Variants in CDKL1 observed in about 807,000 individuals in gnomAD.
The protein encoded by CDKL1 is cyclin dependent kinase like 1.
In CDKL1, 41 loss-of-function variants were observed where a neutral mutation model predicts 42.0. The ratio of observed to expected loss-of-function variants is 0.98; its 90% CI spans 0.76 to 1.27. The LOEUF is 1.27. Among genes scored for constraint, CDKL1 ranks in the 50% most tolerant of loss-of-function variants. The pLI is 0.00. For synonymous variants in CDKL1, 153 were observed against 158.6 expected (o/e 0.96, Z 0.26); for missense variants, 394 against 428.4 (o/e 0.92, Z 0.71).
At chr14:50,396,638 G>A (rs1440385054) in intron 1 of CDKL1, 186 bp downstream of exon 1, 2 of 208,784 alleles carry the variant, frequency 9.6e-6, no homozygotes, top group Non-Finnish European at 1.7e-5. Context: ...ACACCTCCCG[G>A]CTCCCCGCGG....
chr14:50,385,732 G>A (rs1465796766), intron 2 of CDKL1, among the ~76,000 whole-genome samples: 1 of 150,968 alleles, frequency 6.6e-6, no homozygotes, highest in African/African-American at 2.4e-5. Context: ...TGAGCCCAAG[G>A]GGTGGAGGTT....
At chr14:50,356,391 C>T (rs570877353) in intron 3 of CDKL1, among the ~76,000 whole-genome samples, 1 of 152,222 alleles carries the variant, frequency 6.6e-6, no homozygotes, top group African/African-American at 2.4e-5. Flanking sequence ...AATGTGCTTA[C>T]AAAATTTTAT....
At chr14:50,396,897 G>A (rs2035428116), upstream of CDKL1, 2 of 241,968 alleles carry the variant, frequency 8.3e-6, no homozygotes, top group Non-Finnish European at 1.5e-5. Flanking sequence ...GGCGTGGCTC[G>A]GCCCGCGATC....
intron 2 of CDKL1, among the ~76,000 whole-genome samples, chr14:50,375,384 T>A (rs1216502937): frequency 2.0e-5 from 3 of 152,268 alleles, no homozygotes; most frequent in Non-Finnish European, 4.4e-5. Flanking sequence ...TTTATGTTGA[T>A]ACTCCACCTT....
intron 3 of CDKL1, among the ~76,000 whole-genome samples, chr14:50,345,621 T>C (rs1411151920): frequency 1.3e-5 from 2 of 152,200 alleles, no homozygotes; most frequent in East Asian, 1.9e-4. Context: ...ATTCTATTTG[T>C]TTTTTAGCAT....
At chr14:50,380,345 T>G (rs2034869095) in intron 2 of CDKL1, 1 of 418,260 alleles carries the variant, frequency 2.4e-6, no homozygotes, top group East Asian at 7.0e-5. Context: ...TCCTATAAAC[T>G]CAACCCAACT....
chr14:50,330,009 T>TAG lies in CDKL1; in HGVS notation c.*64_*65insCT. 6.4e-7 allele frequency: 1 copy of TAG among 1,555,574 alleles called. No homozygotes were observed. Among genetic ancestry groups the TAG allele is most frequent in the Non-Finnish European group, 8.7e-7 (1 of 1,151,744 alleles). On this transcript the variant is annotated 3_prime_UTR_variant, in exon 10 of 10. Coordinates refer to ENST00000395834, the MANE Select transcript of CDKL1 (RefSeq NM_004196.7). ...CATTGTAATTGTTTTCAATCAACTG[T>TAG]ATAAGTTTTATTTTCTTCAAAGCAT...
At chr14:50,337,131 C>G (rs1194198626) in intron 7 of CDKL1, among the ~76,000 whole-genome samples, 3 of 152,118 alleles carry the variant, frequency 2.0e-5, no homozygotes, top group African/African-American at 7.2e-5. Context: ...ACCTCAGCCT[C>G]CCAAGTAGCT....
At chr14:50,368,766 C>A (rs2034501722) in intron 2 of CDKL1, among the ~76,000 whole-genome samples, 1 of 152,038 alleles carries the variant, frequency 6.6e-6, no homozygotes, top group Non-Finnish European at 1.5e-5. Flanking sequence ...TCATTGGGCA[C>A]CCATCTGTTC....
At chr14:50,371,764 A>G in intron 2 of CDKL1, among the ~76,000 whole-genome samples, 1 of 152,248 alleles carries the variant, frequency 6.6e-6, no homozygotes, top group East Asian at 1.9e-4. Flanking sequence ...TCATGGCTGC[A>G]GACCCGGGCA....
intron 2 of CDKL1, among the ~76,000 whole-genome samples, chr14:50,385,619 G>T (rs1230721352): frequency 6.6e-6 from 1 of 151,708 alleles, no homozygotes; most frequent in African/African-American, 2.4e-5. Context: ...GCCCGGCCAA[G>T]ATGGTGAAAC....
chr14:50,348,254 A>G (rs1186541189), intron 3 of CDKL1, among the ~76,000 whole-genome samples: 2 of 152,250 alleles, frequency 1.3e-5, no homozygotes, highest in Non-Finnish European at 2.9e-5. Flanking sequence ...CAAAGTCTCT[A>G]TGGAACTAGG....
At chr14:50,332,857 G>T in intron 8 of CDKL1, 1 of 467,454 alleles carries the variant, frequency 2.1e-6, no homozygotes, top group Non-Finnish European at 3.7e-6. Context: ...ATACAGCAAA[G>T]TCTCCACCAC....
In CDKL1 at chr14:50,353,092, A is replaced by G. The variant is rs8017076; in HGVS notation, c.290+5936T>C. 7.1e-3 allele frequency among the ~76,000 whole-genome samples: 1,075 copies of G among 152,328 alleles called. 12 individuals are homozygous for G. The highest frequency in any genetic ancestry group is 0.025 in the African/African-American group (1,023 of 41,564). On this transcript the variant is annotated intron_variant, in intron 3 of 9. Transcript: ENST00000395834. ...GTCAAATCTAACAAGCCTAGAAGCCATTCTGTCTAAGGTTGCTTTACATAC... is the reference window on the plus strand; with the variant it reads ...GTCAAATCTAACAAGCCTAGAAGCCGTTCTGTCTAAGGTTGCTTTACATAC...
chr14:50,354,118 C>A (rs2033985614), intron 3 of CDKL1, among the ~76,000 whole-genome samples: 1 of 151,844 alleles, frequency 6.6e-6, no homozygotes, highest in African/African-American at 2.4e-5. Context: ...CAATGCCCGG[C>A]TAATTTTTGT....
intron 2 of CDKL1, among the ~76,000 whole-genome samples, chr14:50,376,969 A>G (rs1228082420): frequency 6.6e-6 from 1 of 152,192 alleles, no homozygotes; most frequent in African/African-American, 2.4e-5. Flanking sequence ...GAAGAAGGTA[A>G]AGGTCTTAAG....
At chr14:50,382,450 C>CA (rs201262283) in intron 2 of CDKL1, among the ~76,000 whole-genome samples, 4 of 150,838 alleles carry the variant, frequency 2.7e-5, no homozygotes, top group Non-Finnish European at 4.4e-5. Flanking sequence ...GACTCCATCT[C>CA]AAAAAAAAAT....
intron 7 of CDKL1, chr14:50,335,355 CA>C (rs2033205904): frequency 1.6e-6 from 1 of 633,186 alleles, no homozygotes; most frequent in Non-Finnish European, 2.6e-6. Context: ...AAGGGAGCTG[CA>C]AAATAGATGT....
intron 2 of CDKL1, among the ~76,000 whole-genome samples, chr14:50,388,004 C>T (rs909194262): frequency 1.3e-5 from 2 of 152,150 alleles, no homozygotes; most frequent in Non-Finnish European, 2.9e-5. Context: ...TCAAGCGATT[C>T]TCCTGCCTCA....
Sources: gnomAD v4.1 joint callset for allele counts (sites outside exome capture counted in the v4.1 genomes callset) on GRCh38, gnomAD v4.1.1 for gene constraint, MANE v1.5 for transcripts, NCBI Gene and HGNC (gene_info 2026-07-23, HGNC 2026-07-21) for gene names.